Variants in TMEM101 observed in about 807,000 individuals in gnomAD.
The protein encoded by TMEM101 is putative NF-kappa-B-activating protein 130.
A neutral mutation model predicts 26.0 loss-of-function variants in TMEM101; 14 were observed. The observed-to-expected ratio is 0.54, with a 90% CI of 0.36 to 0.84. The LOEUF (loss-of-function observed/expected upper bound fraction) is 0.84, where lower values mean the gene tolerates loss of function less well. Among genes scored for constraint, TMEM101 ranks in the 40% least tolerant of loss-of-function variants. The pLI, the probability that TMEM101 is intolerant of heterozygous loss-of-function variation, is 0.01. For synonymous variants in TMEM101, 152 were observed against 145.1 expected, an observed-to-expected ratio of 1.05 and a Z score of -0.34; for missense variants, 292 against 345.1, an observed-to-expected ratio of 0.85 and a Z score of 1.22.
At chr17:44,016,351 A>G (rs1157034596), upstream of TMEM101, among the ~76,000 whole-genome samples, 1 of 151,998 alleles carries the variant, frequency 6.6e-6, no homozygotes, top group East Asian at 1.9e-4. Flanking sequence ...TTTTATTTTT[A>G]GTGGAGACAG....
Position 44,011,921 on chromosome 17 carries a change from A to G in TMEM101, c.*7T>C, listed in dbSNP as rs772325811. On this transcript the variant is annotated 3_prime_UTR_variant, in exon 4 of 4. Transcript: ENST00000206380. Reference sequence around the variant, plus strand: ...CCTGTGCCCATCTCAGCCTCTTGCCATAAAACTCAGCCATCAGTGGCCAGG... The same window carrying G: ...CCTGTGCCCATCTCAGCCTCTTGCCGTAAAACTCAGCCATCAGTGGCCAGG... The G allele has an allele frequency of 2.3e-5, 36 of 1,598,860 alleles. No individual in the cohort carries two copies. Among genetic ancestry groups the G allele is most frequent in the South Asian group, 1.1e-4 (10 of 89,350 alleles).
intron 2 of TMEM101, among the ~76,000 whole-genome samples, chr17:44,020,313 TCTC>T (rs1308082453): frequency 1.3e-5 from 2 of 152,272 alleles, no homozygotes; most frequent in East Asian, 3.9e-4. Context: ...CAGGAAGAGT[TCTC>T]CTATAATTGT....
chr17:44,015,065 G>A, upstream of TMEM101: 11 of 1,427,914 alleles, frequency 7.7e-6, no homozygotes, highest in Non-Finnish European at 1.0e-5. Flanking sequence ...GGAAACAACG[G>A]TGTCATTCTC....
upstream of TMEM101, chr17:44,015,150 T>A: frequency 1.7e-6 from 1 of 597,680 alleles, no homozygotes; most frequent in Non-Finnish European, 2.8e-6. Context: ...AGGGCCATAT[T>A]TGTCCCTGCG....
upstream of TMEM101, among the ~76,000 whole-genome samples, chr17:44,019,834 C>A (rs2049270265): frequency 6.6e-6 from 1 of 152,190 alleles, no homozygotes; most frequent in African/African-American, 2.4e-5. Context: ...ATAAAAACCA[C>A]ACCCCTCATG....
chr17:44,021,827 C>T (rs1194010385), intron 1 of TMEM101, among the ~76,000 whole-genome samples: 1 of 152,214 alleles, frequency 6.6e-6, no homozygotes, highest in Non-Finnish European at 1.5e-5. Context: ...CTAACAATTT[C>T]TTGAAAGGGG....
Position 44,022,153 on chromosome 17 carries a change from C to T in TMEM101, c.-323-718G>A, listed in dbSNP as rs1309691538. Among the ~76,000 whole-genome samples the T allele has an allele frequency of 3.3e-5, 5 of 152,338 alleles. No homozygotes were observed. The South Asian group carries it at 1.0e-3, about 32-fold the overall frequency. On this transcript the variant is annotated intron_variant, in intron 1 of 4. Transcript: ENST00000585950. ...GAATCCAAACAAGCCAATTTCTGGG[C>T]TTCCTTTTTATTGGTAGGGGTTGCA... is the stretch of plus-strand genomic sequence containing the variant.
upstream of TMEM101, chr17:44,019,426 A>C (rs148611790): frequency 9.9e-5 from 29 of 293,704 alleles, no homozygotes; most frequent in Middle Eastern, 3.4e-3. Flanking sequence ...GGCACAATCT[A>C]GGACCCTAGC....
intron 1 of TMEM101, among the ~76,000 whole-genome samples, chr17:44,022,122 T>C (rs1316822070): frequency 6.6e-6 from 1 of 152,224 alleles, no homozygotes; most frequent in East Asian, 1.9e-4. Context: ...GAATATGACG[T>C]TTCCAGAATC....
chr17:44,012,174 C>G lies in TMEM101; in HGVS notation c.528G>C (p.Gly176=), dbSNP rs1430120156. ...CGAAGAACAGCTGGATCATCAGCTCCCCTCCTGGGAGATGGTTCAGATACG... is the reference window on the plus strand; with the variant it reads ...CGAAGAACAGCTGGATCATCAGCTCGCCTCCTGGGAGATGGTTCAGATACG... The part of the protein sequence containing the change: ...RLAYLNHLPG[G]ELMIQLFFVL... Residue 176 remains glycine, a synonymous_variant, in exon 4 of 4, where the codon GGG becomes GGC. Coordinates refer to ENST00000206380, the MANE Select transcript of TMEM101 (RefSeq NM_032376.4). The G allele has an allele frequency of 6.2e-7, 1 of 1,614,082 alleles. No homozygotes were observed. Among genetic ancestry groups the G allele is most frequent in the African/African-American group, 1.3e-5 (1 of 74,936 alleles).
At chr17:44,020,734 C>T (rs1190214836) in intron 2 of TMEM101, among the ~76,000 whole-genome samples, 3 of 152,146 alleles carry the variant, frequency 2.0e-5, no homozygotes, top group African/African-American at 7.2e-5. Context: ...AAAATCAAAA[C>T]AAAACCAAGT....
At position 44,023,044 on chromosome 17, in the gene TMEM101, T is replaced by G. The variant is rs202185558; in HGVS notation, c.-329A>C. 7.3e-5 allele frequency: 26 copies of G among 357,672 alleles called. No homozygotes were observed. The East Asian group carries it at 2.8e-3, about 39-fold the overall frequency. 22.2% of individuals were successfully genotyped at this position (357,672 alleles called of 1,614,324 possible). A position where few individuals can be genotyped will look rare whatever the true frequency, so the allele number is the denominator to read the frequency against. ...ATATATATATTTACACTCACCAGAC[T>G]ATGGAGGATTCACCACCAGTCTGGG... On this transcript the variant is annotated 5_prime_UTR_variant, in exon 1 of 5. Transcript: ENST00000585950.
At chr17:44,016,382 G>A (rs966395817), upstream of TMEM101, among the ~76,000 whole-genome samples, 1 of 152,068 alleles carries the variant, frequency 6.6e-6, no homozygotes, top group Non-Finnish European at 1.5e-5. Context: ...TGTTGGCCAG[G>A]CTGCTCTCGA....
upstream of TMEM101, among the ~76,000 whole-genome samples, chr17:44,017,023 C>G (rs1202185810): frequency 6.6e-6 from 1 of 151,778 alleles, no homozygotes; most frequent in Non-Finnish European, 1.5e-5. Context: ...CTACTCCGGG[C>G]GCCTGTAGTC....
chr17:44,018,945 C>A (rs1017355170), upstream of TMEM101, among the ~76,000 whole-genome samples: 6 of 152,232 alleles, frequency 3.9e-5, no homozygotes, highest in African/African-American at 1.4e-4. Flanking sequence ...GGGACAGATG[C>A]TGGCATGCTA....
rs753442092 is a variant in TMEM101, at chr17:44,014,519, C to T, written c.156G>A (p.Val52=). 2.4e-5 allele frequency: 38 copies of T among 1,570,568 alleles called. No homozygotes were observed. The highest frequency in any genetic ancestry group is 9.6e-5 in the Admixed American group (5 of 52,272). ...CCCCCATGTCGAAATACAGGTAAGGCACTGGGATGTCGGGCTTCCTGCGAG... is the reference window on the plus strand; with the variant it reads ...CCCCCATGTCGAAATACAGGTAAGGTACTGGGATGTCGGGCTTCCTGCGAG... ...AEARRKPDIP[V]PYLYFDMGAA... The change falls in exon 2 of 4, where the codon GTG becomes GTA. Residue 52 remains valine, a synonymous_variant. Transcript: ENST00000206380.
At chr17:44,018,358 T>C (rs1046897501), upstream of TMEM101, among the ~76,000 whole-genome samples, 6 of 152,148 alleles carry the variant, frequency 3.9e-5, no homozygotes, top group African/African-American at 1.2e-4. Context: ...GAGGAACATA[T>C]AGATGCAAAG....
intron 1 of TMEM101, among the ~76,000 whole-genome samples, chr17:44,021,690 G>A (rs1487389031): frequency 1.3e-5 from 2 of 152,172 alleles, no homozygotes; most frequent in Non-Finnish European, 2.9e-5. Flanking sequence ...TCAGCCAGCT[G>A]GCTGCTCCCA....
chr17:44,019,737 A>G (rs1325195339), upstream of TMEM101, among the ~76,000 whole-genome samples: 1 of 152,208 alleles, frequency 6.6e-6, no homozygotes, highest in Non-Finnish European at 1.5e-5. Flanking sequence ...CAACTGTAGG[A>G]AAATACTCTT....
Sources: allele counts gnomAD v4.1 joint callset (sites outside exome capture counted in the v4.1 genomes callset), GRCh38; gene constraint gnomAD v4.1.1; transcripts MANE v1.5; gene names NCBI Gene and HGNC (gene_info 2026-07-23, HGNC 2026-07-21).